CPLX2: variants seen among roughly 807,000 people sequenced by gnomAD.
The protein encoded by CPLX2 is complexin 2, also known as complexin-2.
Under a neutral mutation model 16.3 loss-of-function variants are expected in CPLX2, and 5 were observed. The observed-to-expected ratio is 0.31, with a 90% CI of 0.16 to 0.64. The LOEUF (loss-of-function observed/expected upper bound fraction) is 0.64, where lower values mean the gene tolerates loss of function less well. Ranked by LOEUF, CPLX2 falls within the 30% of genes least tolerant of loss-of-function variation. The pLI, the probability that CPLX2 is intolerant of heterozygous loss-of-function variation, is 0.79. For synonymous variants in CPLX2, 89 were observed against 73.2 expected (o/e 1.22, Z -1.10); for missense variants, 144 against 181.4 (o/e 0.79, Z 1.18).
At chr5:175,846,414 G>A (rs924380521) in intron 2 of CPLX2, among the ~76,000 whole-genome samples, 9 of 152,122 alleles carry the variant, frequency 5.9e-5, no homozygotes, top group African/African-American at 2.2e-4. Flanking sequence ...ATCCCCTGAG[G>A]CTCAATTTCC....
intron 2 of CPLX2, among the ~76,000 whole-genome samples, chr5:175,858,004 C>T (rs1218617888): frequency 2.0e-5 from 3 of 152,246 alleles, no homozygotes; most frequent in Non-Finnish European, 2.9e-5. Flanking sequence ...CTCAGCCCAG[C>T]AACGTGCCTG....
chr5:175,810,197 A>C (rs1758285715), intron 2 of CPLX2, among the ~76,000 whole-genome samples: 2 of 152,214 alleles, frequency 1.3e-5, no homozygotes, highest in Non-Finnish European at 2.9e-5. Flanking sequence ...ATTCTCCTCC[A>C]TCCAGAGCCT....
At chr5:175,865,420 T>G (rs1360640394) in intron 2 of CPLX2, among the ~76,000 whole-genome samples, 10 of 152,128 alleles carry the variant, frequency 6.6e-5, no homozygotes, top group Non-Finnish European at 1.5e-4. Flanking sequence ...TCTTCACAAA[T>G]GTAGGCGACA....
In CPLX2 at chr5:175,881,301, T is replaced by C. The variant is rs925584418; in HGVS notation, c.*1256T>C. The C allele has an allele frequency of 3.9e-5, 6 of 153,424 alleles. No individual in the cohort carries two copies. Among genetic ancestry groups the C allele is most frequent in the African/African-American group, 1.4e-4 (6 of 41,432 alleles). The allele number at this position is 153,424 out of a possible 1,614,324, so 9.5% of individuals were successfully genotyped here. Reference sequence around the variant, plus strand: ...CGTGTGTGTGTCTTGAGATTGTGTGTGTTGCAGTCATCATATCTATGTGTT... The same window carrying C: ...CGTGTGTGTGTCTTGAGATTGTGTGCGTTGCAGTCATCATATCTATGTGTT... On this transcript the variant is annotated 3_prime_UTR_variant, in exon 4 of 4. Transcript: ENST00000393745.
intron 1 of CPLX2, among the ~76,000 whole-genome samples, chr5:175,798,777 G>C (rs1192377470): frequency 1.3e-5 from 2 of 152,072 alleles, no homozygotes; most frequent in African/African-American, 4.8e-5. Context: ...GGCCAATTTT[G>C]TTTCATTTAT....
At chr5:175,857,852 C>A (rs1759289793) in intron 2 of CPLX2, among the ~76,000 whole-genome samples, 1 of 152,334 alleles carries the variant, frequency 6.6e-6, no homozygotes, top group South Asian at 2.1e-4. Context: ...CAGAGACATG[C>A]CTGGCCCAGA....
intron 2 of CPLX2, among the ~76,000 whole-genome samples, chr5:175,824,736 TGA>T (rs1758579242): frequency 6.6e-6 from 1 of 152,232 alleles, no homozygotes; most frequent in Non-Finnish European, 1.5e-5. Context: ...CTCGGAAGGC[TGA>T]GATTGACATT....
rs531159558 is a variant in CPLX2, at chr5:175,826,961, G to A, written c.-89+17893G>A. Among the ~76,000 whole-genome samples, 36 of 152,314 alleles carry A rather than the reference G, an allele frequency of 2.4e-4. No homozygotes were observed. In the East Asian group the frequency reaches 6.2e-3, roughly 26 times the overall value. On this transcript the variant is annotated intron_variant, in intron 2 of 4. Transcript: ENST00000359546. ...CAGTTGGATCACGCAGCTCGAATGA[G>A]GAGAGTAAACCTCATTCTCTCTCCC...
At chr5:175,801,172 A>AAAC (rs1561766887) in intron 1 of CPLX2, among the ~76,000 whole-genome samples, 1 of 151,614 alleles carries the variant, frequency 6.6e-6, no homozygotes, top group African/African-American at 2.4e-5. Flanking sequence ...AAAAAAAAAA[A>AAAC]AAAACTGGGT....
At chr5:175,826,935 A>G (rs993092531) in intron 2 of CPLX2, among the ~76,000 whole-genome samples, 2 of 152,194 alleles carry the variant, frequency 1.3e-5, no homozygotes, top group Non-Finnish European at 2.9e-5. Context: ...GCTTTCCCCT[A>G]CAGTTGGATC....
At chr5:175,821,055 C>T (rs1306023801) in intron 2 of CPLX2, among the ~76,000 whole-genome samples, 1 of 152,116 alleles carries the variant, frequency 6.6e-6, no homozygotes, top group Non-Finnish European at 1.5e-5. Flanking sequence ...TGGGATTTGG[C>T]AAAAGATCCT....
At chr5:175,844,890 G>A (rs75264744) in intron 2 of CPLX2, among the ~76,000 whole-genome samples, 3,401 of 152,324 alleles carry the variant, frequency 0.022, 128 homozygotes, top group African/African-American at 0.077. Flanking sequence ...CTTTGTCGAG[G>A]GCTGGATTGT....
chr5:175,856,723 A>C (rs767020579), intron 2 of CPLX2, among the ~76,000 whole-genome samples: 4 of 152,124 alleles, frequency 2.6e-5, no homozygotes, highest in Non-Finnish European at 4.4e-5. Context: ...GCCTCTCACC[A>C]AGAGTGGGCT....
At chr5:175,876,915 G>A (rs1004084380) in intron 1 of CPLX2, among the ~76,000 whole-genome samples, 2 of 152,146 alleles carry the variant, frequency 1.3e-5, no homozygotes, top group South Asian at 2.1e-4. Context: ...CTCAGAATTC[G>A]GGGTTAGGAG....
chr5:175,879,695 AG>A (rs1192511830), intron 3 of CPLX2, 152 bp from the exon 4 acceptor site: 3 of 749,008 alleles, frequency 4.0e-6, no homozygotes, highest in Non-Finnish European at 7.2e-6. Context: ...ACCATCCTAC[AG>A]GGAAGACACC....
chr5:175,850,015 C>A (rs1017916795), intron 2 of CPLX2, among the ~76,000 whole-genome samples: 3 of 152,248 alleles, frequency 2.0e-5, no homozygotes, highest in Non-Finnish European at 4.4e-5. Flanking sequence ...ACACAGAAGT[C>A]ATCCTTGGGA....
rs1280563037 is a variant in CPLX2 at position 175,845,551 on chromosome 5, CTG to C, written c.-88-33095_-88-33094del. Reference sequence around the variant, plus strand: ...AGAGTAACTGCCCCCATCTGCGTCACTGTGTGTTATTTTCTTCATATTTTCTT... The same window carrying C: ...AGAGTAACTGCCCCCATCTGCGTCACTGTGTTATTTTCTTCATATTTTCTT... On this transcript the variant is annotated intron_variant, in intron 2 of 4. Coordinates refer to the CPLX2 transcript ENST00000359546. The surrounding 1 kb of genome is among the most constrained non-coding windows in gnomAD (Gnocchi z 4.0). 6.6e-6 allele frequency among the ~76,000 whole-genome samples: 1 copy of C among 152,210 alleles called. No homozygotes were observed. The highest frequency in any genetic ancestry group is 2.4e-5 in the African/African-American group (1 of 41,462).
At position 175,848,184 on chromosome 5, in the gene CPLX2, CG is replaced by C. The variant is rs1174007508; in HGVS notation, c.-88-30462del. On this transcript the variant is annotated intron_variant, in intron 2 of 4. Coordinates refer to the CPLX2 transcript ENST00000359546. The stretch of plus-strand genomic sequence containing the variant: ...TACCTATAAGGAGATCTGAGGGGGG[CG>C]GGGGGCAGGGAAGCCAGACACAGCC... Among the ~76,000 whole-genome samples, 4 of 151,482 alleles carry C rather than the reference CG, an allele frequency of 2.6e-5. No individual in the cohort carries two copies. In the East Asian group the frequency reaches 7.8e-4, roughly 29 times the overall value.
chr5:175,818,818 T>C (rs1212034224), intron 2 of CPLX2, among the ~76,000 whole-genome samples: 1 of 151,956 alleles, frequency 6.6e-6, no homozygotes, highest in Non-Finnish European at 1.5e-5. Context: ...TGCGCCACTA[T>C]GCCCAGCTAA....
Sources: allele counts gnomAD v4.1 joint callset (sites outside exome capture counted in the v4.1 genomes callset), GRCh38; gene constraint gnomAD v4.1.1; non-coding constraint Gnocchi (gnomAD v3.1); transcripts MANE v1.5; gene names NCBI Gene and HGNC (gene_info 2026-07-23, HGNC 2026-07-21).